The following C1orf141 variants were observed in gnomAD, a reference collection of about 807,000 sequenced individuals.
C1orf141 encodes uncharacterized protein C1orf141.
C1orf141 carries 19 observed loss-of-function variants against 23.2 expected under a neutral mutation model. That is an observed-to-expected ratio of 0.82 (90% confidence interval 0.57 to 1.20). The LOEUF (loss-of-function observed/expected upper bound fraction) is 1.20, where lower values mean the gene tolerates loss of function less well. Ranked by LOEUF, C1orf141 falls within the 50% of genes most tolerant of loss-of-function variation. The pLI is 0.00. For synonymous variants in C1orf141, 153 were observed against 154.6 expected (o/e 0.99, Z 0.08); for missense variants, 469 against 455.1 (o/e 1.03, Z -0.28).
intron 5 of C1orf141, among the ~76,000 whole-genome samples, chr1:67,105,596 TAG>T (rs1645907296): frequency 6.6e-6 from 1 of 151,910 alleles, no homozygotes; most frequent in South Asian, 2.1e-4. Context: ...ATGAAAACCA[TAG>T]ACTCTAGACA....
chr1:67,134,294 G>T (rs111988176), intron 1 of C1orf141, among the ~76,000 whole-genome samples: 3 of 149,186 alleles, frequency 2.0e-5, no homozygotes, highest in Non-Finnish European at 3.0e-5. Flanking sequence ...GTAAGCCAAC[G>T]CGCCGGCCTG....
chr1:67,117,461 G>T (rs1260633277), intron 4 of C1orf141, among the ~76,000 whole-genome samples: 1 of 152,128 alleles, frequency 6.6e-6, no homozygotes, highest in East Asian at 1.9e-4. Flanking sequence ...AAGATTTTTG[G>T]TAAATTTTTA....
intron 6 of C1orf141, 60 bp downstream of exon 6, chr1:67,096,191 TG>T: frequency 1.3e-6 from 1 of 790,210 alleles, no homozygotes; most frequent in South Asian, 1.6e-5. Context: ...AATTATAAAA[TG>T]TGTCCTACTA....
At chr1:67,107,747 G>A (rs10736407) in intron 5 of C1orf141, among the ~76,000 whole-genome samples, 7 of 151,874 alleles carry the variant, frequency 4.6e-5, no homozygotes, top group Non-Finnish European at 1.5e-5. Flanking sequence ...ACAATTAGCC[G>A]GGCGTGGTGG....
chr1:67,113,251 A>G (rs1177392380), intron 5 of C1orf141, among the ~76,000 whole-genome samples: 1 of 152,104 alleles, frequency 6.6e-6, no homozygotes. Flanking sequence ...AAGATCTGGG[A>G]TTACAGGTGT....
intron 2 of C1orf141, among the ~76,000 whole-genome samples, 171 bp from the exon 3 acceptor site, chr1:67,127,428 G>A (rs912759027): frequency 1.3e-5 from 2 of 151,972 alleles, no homozygotes; most frequent in Admixed American, 6.6e-5. Flanking sequence ...TTTTTCAATT[G>A]AAGGCTATAT....
At chr1:67,095,539 A>G (rs1487298872) in intron 6 of C1orf141, 118 bp from the exon 7 acceptor site, 4 of 589,282 alleles carry the variant, frequency 6.8e-6, no homozygotes, top group Middle Eastern at 4.5e-4. Context: ...CCTCTCTCCC[A>G]CAGACTTTTC....
In C1orf141 at chr1:67,100,539, G is replaced by A. The variant is rs540484375; in HGVS notation, c.347-4218C>T. Among the ~76,000 whole-genome samples the A allele has an allele frequency of 2.0e-5, 3 of 152,102 alleles. No individual in the cohort carries two copies. The East Asian group carries it at 5.8e-4, about 29-fold the overall frequency. On this transcript the variant is annotated intron_variant, in intron 5 of 7. Coordinates refer to ENST00000684719, the MANE Select transcript of C1orf141 (RefSeq NM_001276351.2). The stretch of plus-strand genomic sequence containing the variant: ...TTCTTTAACTCCTTCAGCATATAGA[G>A]CAATTATTGTTTAAGTTTTTTCCTG...
chr1:67,121,545 T>C (rs1266826624), intron 4 of C1orf141: 1 of 152,240 alleles, frequency 6.6e-6, no homozygotes, highest in African/African-American at 2.4e-5. Context: ...ATGAATATAG[T>C]AGATGTAAAT....
chr1:67,107,128 T>A (rs1250405287), intron 5 of C1orf141, among the ~76,000 whole-genome samples: 1 of 152,216 alleles, frequency 6.6e-6, no homozygotes, highest in Admixed American at 6.5e-5. Context: ...TTTAAAGATT[T>A]CTACATCTTT....
intron 4 of C1orf141, 78 bp downstream of exon 4, chr1:67,125,674 A>G (rs770896739): frequency 7.4e-7 from 1 of 1,345,816 alleles, no homozygotes; most frequent in South Asian, 1.2e-5. Context: ...ACTCTACCCT[A>G]GGCAATGAGT....
intron 2 of C1orf141, among the ~76,000 whole-genome samples, chr1:67,128,282 C>T (rs1646454644): frequency 6.6e-6 from 1 of 152,056 alleles, no homozygotes; most frequent in African/African-American, 2.4e-5. Flanking sequence ...CCACAGAGTA[C>T]CCTATTAGTG....
intron 5 of C1orf141, among the ~76,000 whole-genome samples, chr1:67,099,281 A>C (rs1482702515): frequency 6.6e-6 from 1 of 152,238 alleles, no homozygotes; most frequent in Non-Finnish European, 1.5e-5. Flanking sequence ...TAATCTATGA[A>C]TGATTCAAGA....
chr1:67,104,846 C>T (rs1645884607), intron 5 of C1orf141, among the ~76,000 whole-genome samples: 1 of 151,916 alleles, frequency 6.6e-6, no homozygotes, highest in African/African-American at 2.4e-5. Flanking sequence ...TTTACAACAG[C>T]CAAATAAAAC....
At chr1:67,114,456 G>A (rs533030466) in intron 5 of C1orf141, among the ~76,000 whole-genome samples, 5 of 152,258 alleles carry the variant, frequency 3.3e-5, no homozygotes, top group Admixed American at 2.0e-4. Flanking sequence ...ATAACAATGT[G>A]TATAACAAAT....
rs746406871 is a variant in C1orf141, at chr1:67,093,227, T to C, written c.981A>G (p.Gln327=). 28 of 1,613,768 alleles carry C rather than the reference T, an allele frequency of 1.7e-5. 1 individual carries two copies. The South Asian group carries it at 3.1e-4, about 18-fold the overall frequency. The part of the protein sequence containing the change: ...FSQNFSSLTK[Q]FVGYLDKAVI... ...CAGCTTTATCAAGGTAACCCACAAA[T>C]TGTTTTGTTAGGCTAGAAAAATTCT... Residue 327 remains glutamine, a synonymous_variant, in exon 8 of 8, where the codon CAA becomes CAG. Transcript: ENST00000684719.
chr1:67,125,327 C>G (rs1294636103), intron 4 of C1orf141, among the ~76,000 whole-genome samples: 2 of 151,998 alleles, frequency 1.3e-5, no homozygotes, highest in African/African-American at 4.8e-5. Context: ...TAACTCATAA[C>G]CCTTATAACA....
chr1:67,116,979 T>C (rs746868569), intron 4 of C1orf141, among the ~76,000 whole-genome samples: 3 of 152,230 alleles, frequency 2.0e-5, no homozygotes, highest in Non-Finnish European at 2.9e-5. Flanking sequence ...ATTTATATTA[T>C]ATATTCATTT....
intron 5 of C1orf141, chr1:67,103,321 G>C: frequency 6.7e-7 from 1 of 1,490,228 alleles, no homozygotes; most frequent in Non-Finnish European, 9.0e-7. Flanking sequence ...AGAACCCAGT[G>C]ATCTTCTACA....
Sources: gnomAD v4.1 joint callset for allele counts (sites outside exome capture counted in the v4.1 genomes callset) on GRCh38, gnomAD v4.1.1 for gene constraint, MANE v1.5 for transcripts, NCBI Gene and HGNC (gene_info 2026-07-23, HGNC 2026-07-21) for gene names.